The following WBP4 variants were observed in gnomAD, a reference collection of about 807,000 sequenced individuals.
WBP4 encodes the protein WW domain-binding protein 4.
A neutral mutation model predicts 55.4 loss-of-function variants in WBP4; 37 were observed. That is an observed-to-expected ratio of 0.67 (90% CI 0.51 to 0.88). The LOEUF is 0.88. WBP4 is among the 40% of genes least tolerant of loss of function. WBP4 has a pLI of 0.00. For missense variants in WBP4, 398 were observed against 420.8 expected (o/e 0.95, Z 0.47); for synonymous variants, 142 against 140.2 (o/e 1.01, Z -0.09).
At chr13:41,063,120 C>T (rs1463806013) in intron 2 of WBP4, among the ~76,000 whole-genome samples, 2 of 152,136 alleles carry the variant, frequency 1.3e-5, no homozygotes, top group Non-Finnish European at 2.9e-5. Flanking sequence ...GTATTTAATG[C>T]AGAGCTGTGT....
At chr13:41,078,311 A>G (rs1264310218) in intron 8 of WBP4, among the ~76,000 whole-genome samples, 1 of 152,214 alleles carries the variant, frequency 6.6e-6, no homozygotes, top group Non-Finnish European at 1.5e-5. Flanking sequence ...TTGATGGAAC[A>G]GAATAGAGAA....
intron 7 of WBP4, among the ~76,000 whole-genome samples, chr13:41,075,253 A>G (rs1336007374): frequency 6.6e-6 from 1 of 152,184 alleles, no homozygotes; most frequent in African/African-American, 2.4e-5. Flanking sequence ...ACTGGATGGC[A>G]GTAGAGTTCA....
At chr13:41,082,358 C>G (rs1166332386) in intron 9 of WBP4, among the ~76,000 whole-genome samples, 3 of 152,144 alleles carry the variant, frequency 2.0e-5, no homozygotes, top group Non-Finnish European at 4.4e-5. Flanking sequence ...AAGTGATCCT[C>G]CTGCCTCGGC....
intron 9 of WBP4, among the ~76,000 whole-genome samples, chr13:41,081,122 A>G (rs565811648): frequency 6.6e-6 from 1 of 152,238 alleles, no homozygotes; most frequent in South Asian, 2.1e-4. Context: ...GCTTGAACCC[A>G]GGAGGTGGAG....
chr13:41,076,155 C>T lies in WBP4; in HGVS notation c.674C>T (p.Ser225Leu), dbSNP rs756465812. The T allele has an allele frequency of 7.4e-6, 12 of 1,612,124 alleles. No individual in the cohort carries two copies. The highest frequency in any genetic ancestry group is 4.0e-5 in the African/African-American group (3 of 74,158). Residue 225 changes from serine to leucine, a missense_variant, in exon 8 of 10, where the codon TCG becomes TTG. Physicochemically the swap from Ser to Leu is moderately radical, Grantham distance 145. Coordinates refer to ENST00000379487, the MANE Select transcript of WBP4 (RefSeq NM_007187.5). ...GTLDESKSSD[S>L]HSDSDGEQEA... ...CTAGATGAATCCAAATCATCAGATT[C>T]GCATAGTGATTCTGATGGGGAACAG... is the stretch of plus-strand genomic sequence containing the variant.
chr13:41,079,814 T>G (rs1007707201), intron 8 of WBP4, among the ~76,000 whole-genome samples: 1 of 152,144 alleles, frequency 6.6e-6, no homozygotes, highest in African/African-American at 2.4e-5. Context: ...TCAACCTAAG[T>G]GTCCGTCAAC....
chr13:41,066,054 T>A (rs1877959741), intron 4 of WBP4, among the ~76,000 whole-genome samples: 1 of 152,146 alleles, frequency 6.6e-6, no homozygotes, highest in Non-Finnish European at 1.5e-5. Flanking sequence ...TAAGAACAGT[T>A]GTAGCCAGAC....
chr13:41,077,315 TAATAATAA>T (rs1878542404), intron 8 of WBP4, among the ~76,000 whole-genome samples: 1 of 152,116 alleles, frequency 6.6e-6, no homozygotes, highest in Non-Finnish European at 1.5e-5. Flanking sequence ...ACATACCTCA[TAATAATAA>T]AATAATAAAA....
Position 41,065,118 on chromosome 13 carries a change from T to C in WBP4, c.138+40T>C, listed in dbSNP as rs745439021. 25 of 1,601,600 alleles carry C rather than the reference T, an allele frequency of 1.6e-5. No individual in the cohort carries two copies. The Admixed American group carries it at 2.1e-4, about 14-fold the overall frequency. On this transcript the variant is annotated intron_variant, in intron 3 of 9. Coordinates refer to ENST00000379487, the MANE Select transcript of WBP4 (RefSeq NM_007187.5). ...TTATTTGCTAATTTTTCTATGCAAA[T>C]GTCAGTCCTTTATCTCACTTTCACT...
At chr13:41,079,452 G>A (rs1178051553) in intron 8 of WBP4, among the ~76,000 whole-genome samples, 1 of 147,556 alleles carries the variant, frequency 6.8e-6, no homozygotes, top group Non-Finnish European at 1.5e-5. Context: ...GCATGCAGGA[G>A]AATTGCTTGA....
Position 41,062,629 on chromosome 13 carries a change from GTC to G in WBP4, c.3-9_3-8del, listed in dbSNP as rs752889952. On this transcript the variant is annotated splice_polypyrimidine_tract_variant and intron_variant, in intron 1 of 9. Transcript: ENST00000379487. ...AGTTTTACATGAGCTTAGCCTTGTTGTCTCTCTTTTTCAGGGCGGACTACTGG... is the reference window on the plus strand; with the variant it reads ...AGTTTTACATGAGCTTAGCCTTGTTGTCTCTTTTTCAGGGCGGACTACTGG... 3.6e-5 allele frequency: 58 copies of G among 1,611,808 alleles called. No homozygotes were observed. Among genetic ancestry groups the G allele is most frequent in the Middle Eastern group, 1.6e-4 (1 of 6,076 alleles).
At position 41,076,147 on chromosome 13, in the gene WBP4, A is replaced by C. The variant is rs1878473849; in HGVS notation, c.666A>C (p.Ser222=). The change falls in exon 8 of 10, where the codon TCA becomes TCC. Residue 222 remains serine, a synonymous_variant. Transcript: ENST00000379487. Reference sequence around the variant, plus strand: ...TTGGCACCCTAGATGAATCCAAATCATCAGATTCGCATAGTGATTCTGATG... The same window carrying C: ...TTGGCACCCTAGATGAATCCAAATCCTCAGATTCGCATAGTGATTCTGATG... ...NSLGTLDESK[S]SDSHSDSDGE... 6.2e-7 allele frequency: 1 copy of C among 1,613,722 alleles called. No homozygotes were observed. The highest frequency in any genetic ancestry group is 8.5e-7 in the Non-Finnish European group (1 of 1,180,016).
chr13:41,078,594 G>A (rs1005368216), intron 8 of WBP4, among the ~76,000 whole-genome samples: 4 of 152,174 alleles, frequency 2.6e-5, no homozygotes, highest in African/African-American at 7.2e-5. Context: ...TTGGGAGGCC[G>A]AGGTGGGCGG....
At chr13:41,075,072 A>G (rs1433210595) in intron 7 of WBP4, among the ~76,000 whole-genome samples, 4 of 152,224 alleles carry the variant, frequency 2.6e-5, no homozygotes, top group Admixed American at 2.6e-4. Flanking sequence ...ACTCTGTATT[A>G]ATTAAGGTGC....
intron 5 of WBP4, 55 bp from the exon 6 acceptor site, chr13:41,071,472 A>C: frequency 1.3e-6 from 2 of 1,527,126 alleles, no homozygotes; most frequent in Non-Finnish European, 1.8e-6. Context: ...AATTTTTTGG[A>C]AAGTATTTTT....
chr13:41,072,636 G>A, intron 6 of WBP4, 146 bp from the exon 7 acceptor site: 1 of 650,772 alleles, frequency 1.5e-6, no homozygotes, highest in Admixed American at 3.1e-5. Flanking sequence ...AGGATTACAA[G>A]TCTACATGAG....
At chr13:41,076,570 C>T (rs1878505206) in intron 8 of WBP4, among the ~76,000 whole-genome samples, 1 of 152,052 alleles carries the variant, frequency 6.6e-6, no homozygotes, top group African/African-American at 2.4e-5. Context: ...CGTGCGTCAC[C>T]ACGCCCAGCT....
intron 8 of WBP4, 106 bp downstream of exon 8, chr13:41,076,343 G>C (rs921718585): frequency 5.6e-6 from 5 of 886,112 alleles, no homozygotes; most frequent in Non-Finnish European, 7.8e-6. Flanking sequence ...CAGTGGCACT[G>C]TCTTGGCTCA....
intron 1 of WBP4, chr13:41,062,331 A>G (rs559623669): frequency 2.1e-6 from 2 of 952,714 alleles, no homozygotes; most frequent in Admixed American, 1.2e-4. Context: ...CCCCAAAGCC[A>G]GAAAGGATAA....
Sources: allele counts gnomAD v4.1 joint callset (sites outside exome capture counted in the v4.1 genomes callset), GRCh38; gene constraint gnomAD v4.1.1; transcripts MANE v1.5; gene names NCBI Gene and HGNC (gene_info 2026-07-23, HGNC 2026-07-21).